MKLN1: variants seen among roughly 807,000 people sequenced by gnomAD.
The protein encoded by MKLN1 is muskelin.
A neutral mutation model predicts 99.0 loss-of-function variants in MKLN1; 18 were observed. The observed-to-expected ratio is 0.18, with a 90% CI of 0.13 to 0.27. MKLN1 has a LOEUF of 0.27. Ranked by LOEUF, MKLN1 falls within the 10% of genes least tolerant of loss-of-function variation. The pLI, the probability that MKLN1 is intolerant of heterozygous loss-of-function variation, is 1.00. For missense variants in MKLN1, 621 were observed against 875.9 expected (o/e 0.71, Z 3.67); for synonymous variants, 288 against 293.2 (o/e 0.98, Z 0.18).
intron 16 of MKLN1, chr7:131,472,023 G>A (rs1471198671): frequency 1.3e-5 from 2 of 152,246 alleles, no homozygotes; most frequent in Admixed American, 6.5e-5. Flanking sequence ...CCCCCATGAA[G>A]GGGGACAGTT....
chr7:131,115,628 C>T (rs759636070), intron 1 of MKLN1, among the ~76,000 whole-genome samples: 9 of 152,148 alleles, frequency 5.9e-5, no homozygotes, highest in Admixed American at 3.3e-4. Flanking sequence ...ATGCAGGGCC[C>T]GTGGAGCCCT....
chr7:131,177,898 A>G (rs2116350650), intron 2 of MKLN1, among the ~76,000 whole-genome samples: 1 of 152,310 alleles, frequency 6.6e-6, no homozygotes, highest in Admixed American at 6.5e-5. Context: ...CTGGTATAGT[A>G]GCTCTATGGT....
At chr7:131,234,611 A>T (rs1456523284) in intron 3 of MKLN1, among the ~76,000 whole-genome samples, 2 of 152,154 alleles carry the variant, frequency 1.3e-5, no homozygotes, top group Non-Finnish European at 2.9e-5. Context: ...GGACTTAGGG[A>T]TGATGTGTGA....
intron 3 of MKLN1, among the ~76,000 whole-genome samples, chr7:131,221,674 AT>A (rs1162923537): frequency 0.14 from 18,626 of 128,822 alleles, 1,269 homozygotes; most frequent in South Asian, 0.24. Context: ...CACCCGGCTA[AT>A]TTTTTTTTTT....
chr7:131,171,800 T>C (rs1374355650), intron 2 of MKLN1, among the ~76,000 whole-genome samples: 2 of 152,236 alleles, frequency 1.3e-5, no homozygotes, highest in African/African-American at 4.8e-5. Context: ...ATACATTGTT[T>C]GGTATAATTA....
chr7:131,486,258 CAA>C lies in MKLN1; in HGVS notation c.2087-1337_2087-1336del, dbSNP rs59893973. 2.1e-3 allele frequency among the ~76,000 whole-genome samples: 305 copies of C among 142,004 alleles called. 1 individual carries two copies. Among genetic ancestry groups the C allele is most frequent in the East Asian group, 0.016 (80 of 4,952 alleles). 93.2% of individuals were successfully genotyped at this position (142,004 alleles called of 152,430 possible). A position where few individuals can be genotyped will look rare whatever the true frequency, so the allele number is the denominator to read the frequency against. ...TGAAAAAGAAGCAATTTGGAAATTT[CAA>C]AAAAAAAAAAAGCATAAAATAGGAA... On this transcript the variant is annotated intron_variant, in intron 17 of 17. Coordinates refer to ENST00000352689, the MANE Select transcript of MKLN1 (RefSeq NM_013255.5).
intron 5 of MKLN1, 96 bp downstream of exon 5, chr7:131,397,472 T>C: frequency 1.5e-6 from 1 of 672,124 alleles, no homozygotes; most frequent in Admixed American, 3.1e-5. Flanking sequence ...ATATTCAAAA[T>C]AATAATAACA....
intron 2 of MKLN1, among the ~76,000 whole-genome samples, chr7:131,167,597 G>C (rs1584804060): frequency 6.6e-6 from 1 of 151,754 alleles, no homozygotes; most frequent in East Asian, 1.9e-4. Flanking sequence ...ACCTGAGCCT[G>C]GGAGGTTGAG....
rs1797395469 is a variant in MKLN1 at position 131,490,406 on chromosome 7, C to T, written c.*2678C>T. 1 of 152,508 alleles carries T rather than the reference C, an allele frequency of 6.6e-6. No individual in the cohort carries two copies. The highest frequency in any genetic ancestry group is 2.1e-4 in the South Asian group (1 of 4,832). 9.4% of individuals were successfully genotyped at this position (152,508 alleles called of 1,614,324 possible). A position where few individuals can be genotyped will look rare whatever the true frequency, so the allele number is the denominator to read the frequency against. On this transcript the variant is annotated 3_prime_UTR_variant, in exon 18 of 18. Coordinates refer to ENST00000352689, the MANE Select transcript of MKLN1 (RefSeq NM_013255.5). ...TAGATATCCAACATTATTTTCAGTG[C>T]TTGTACTTCATGAGAAATAATCTGA... is the stretch of plus-strand genomic sequence containing the variant.
chr7:131,290,349 A>C (rs4731781), intron 3 of MKLN1, among the ~76,000 whole-genome samples: 135,321 of 152,264 alleles, frequency 0.89, 60,175 homozygotes, highest in East Asian at 0.96. Context: ...CCTCTGTACA[A>C]CCCTGCTTTA....
At chr7:131,362,536 T>C (rs1222056303) in intron 1 of MKLN1, among the ~76,000 whole-genome samples, 1 of 152,094 alleles carries the variant, frequency 6.6e-6, no homozygotes, top group Non-Finnish European at 1.5e-5. Context: ...TTTGAGTGTG[T>C]AGATTCAACT....
At chr7:131,308,796 G>GTCAAGC (rs1432699332) in intron 3 of MKLN1, among the ~76,000 whole-genome samples, 2 of 151,996 alleles carry the variant, frequency 1.3e-5, no homozygotes, top group Admixed American at 6.6e-5. Flanking sequence ...TGTTAGTCAA[G>GTCAAGC]CTGGCTGCCA....
Position 131,494,545 on chromosome 7 carries a change from T to C in MKLN1, c.*6817T>C, listed in dbSNP as rs1437803688. 6.6e-6 allele frequency: 1 copy of C among 152,162 alleles called. No individual in the cohort carries two copies. The highest frequency in any genetic ancestry group is 2.4e-5 in the African/African-American group (1 of 41,422). 9.4% of individuals were successfully genotyped at this position (152,162 alleles called of 1,614,324 possible). ...AGGAGTAGTCTTCCGTGGGGGAAGA[T>C]AAATTTATTAAAGAGTCATGTACTG... On this transcript the variant is annotated 3_prime_UTR_variant, in exon 18 of 18. Transcript: ENST00000352689.
intron 1 of MKLN1, among the ~76,000 whole-genome samples, chr7:131,331,661 G>C (rs1332937805): frequency 6.6e-6 from 1 of 152,042 alleles, no homozygotes; most frequent in African/African-American, 2.4e-5. Flanking sequence ...TAGGTGATAA[G>C]GTTCTCATAT....
intron 1 of MKLN1, 98 bp from the exon 2 acceptor site, chr7:131,375,326 A>G (rs1793608226): frequency 1.3e-6 from 1 of 743,802 alleles, no homozygotes; most frequent in Admixed American, 2.1e-5. Context: ...CAAGTTCCAA[A>G]CATTACATAA....
intron 3 of MKLN1, among the ~76,000 whole-genome samples, chr7:131,313,416 A>C (rs1193548789): frequency 6.6e-6 from 1 of 152,106 alleles, no homozygotes; most frequent in Non-Finnish European, 1.5e-5. Context: ...AAACAAAACA[A>C]AACCAAGCAG....
chr7:131,204,542 G>T (rs1287588245), intron 3 of MKLN1, among the ~76,000 whole-genome samples: 1 of 152,200 alleles, frequency 6.6e-6, no homozygotes, highest in African/African-American at 2.4e-5. Flanking sequence ...TGAAAAAGCT[G>T]CAAGTTAGGC....
chr7:131,362,476 A>C (rs1011264836), intron 1 of MKLN1, among the ~76,000 whole-genome samples: 2 of 152,076 alleles, frequency 1.3e-5, no homozygotes, highest in African/African-American at 2.4e-5. Flanking sequence ...AAGTCTGCAT[A>C]GTTTGTACTA....
chr7:131,217,256 TA>T (rs1392724625), intron 3 of MKLN1, among the ~76,000 whole-genome samples: 2 of 152,188 alleles, frequency 1.3e-5, no homozygotes, highest in African/African-American at 2.4e-5. Context: ...AAAAATAAAT[TA>T]TTTTTTTCAA....
Sources: gnomAD v4.1 joint callset for allele counts (sites outside exome capture counted in the v4.1 genomes callset) on GRCh38, gnomAD v4.1.1 for gene constraint, MANE v1.5 for transcripts, NCBI Gene and HGNC (gene_info 2026-07-23, HGNC 2026-07-21) for gene names.